RBFOX1: variants seen among roughly 807,000 people sequenced by gnomAD.
RBFOX1 encodes the protein RNA binding fox-1 homolog 1.
In RBFOX1, 8 loss-of-function variants were observed where a neutral mutation model predicts 57.7. The observed-to-expected ratio is 0.14, with a 90% CI of 0.08 to 0.25. The LOEUF (loss-of-function observed/expected upper bound fraction) is 0.25, where lower values mean the gene tolerates loss of function less well. RBFOX1 is among the 10% of genes least tolerant of loss of function. RBFOX1 has a pLI of 1.00. For synonymous variants in RBFOX1, 326 were observed against 222.4 expected (o/e 1.47, Z -4.15); for missense variants, 611 against 548.5 (o/e 1.11, Z -1.14).
chr16:6,482,699 G>A (rs895129756), intron 2 of RBFOX1, among the ~76,000 whole-genome samples: 1 of 152,190 alleles, frequency 6.6e-6, no homozygotes, highest in African/African-American at 2.4e-5. Context: ...AAGTGCAGCT[G>A]CTTCTCGGAG....
chr16:6,206,986 CT>C (rs35769347), intron 1 of RBFOX1, among the ~76,000 whole-genome samples: 7 of 145,948 alleles, frequency 4.8e-5, no homozygotes, highest in African/African-American at 1.8e-4. Context: ...CAGAAAGCTA[CT>C]TTTTTTTTTT....
intron 2 of RBFOX1, among the ~76,000 whole-genome samples, chr16:6,636,860 ATATATAT>A (rs994436222): frequency 8.7e-6 from 1 of 115,348 alleles, no homozygotes; most frequent in Non-Finnish European, 1.7e-5. Context: ...ATAATATATA[ATATATAT>A]TATATGTTTA....
intron 11 of RBFOX1, among the ~76,000 whole-genome samples, chr16:7,644,569 C>T (rs2063397614): frequency 6.6e-6 from 1 of 152,198 alleles, no homozygotes; most frequent in Non-Finnish European, 1.5e-5. Flanking sequence ...GATTGCCACC[C>T]ATTTTCTTTC....
intron 4 of RBFOX1, among the ~76,000 whole-genome samples, chr16:7,237,905 G>A (rs2152954134): frequency 6.6e-6 from 1 of 152,316 alleles, no homozygotes; most frequent in South Asian, 2.1e-4. Flanking sequence ...TCAGGAGGCT[G>A]AAGCATGAGA....
At chr16:5,859,567 C>T (rs1214705698) in intron 3 of RBFOX1, among the ~76,000 whole-genome samples, 3 of 152,128 alleles carry the variant, frequency 2.0e-5, no homozygotes, top group Admixed American at 2.0e-4. Flanking sequence ...AATCACTTGC[C>T]AGCAAAGGAA....
chr16:6,429,936 C>G (rs184881218), intron 2 of RBFOX1, among the ~76,000 whole-genome samples: 3 of 152,018 alleles, frequency 2.0e-5, no homozygotes, highest in African/African-American at 7.2e-5. Context: ...TAGTGAAACC[C>G]CCTCTCTACT....
At chr16:6,896,704 A>G (rs1161213929) in intron 3 of RBFOX1, among the ~76,000 whole-genome samples, 1 of 152,198 alleles carries the variant, frequency 6.6e-6, no homozygotes, top group East Asian at 1.9e-4. Flanking sequence ...TTGTGTTAGA[A>G]AAGTGCCCGG....
In RBFOX1 at chr16:7,210,112, A is replaced by G. The variant is rs571669293; in HGVS notation, c.27+158014A>G. Among the ~76,000 whole-genome samples the G allele has an allele frequency of 2.0e-5, 3 of 152,280 alleles. No homozygotes were observed. The East Asian group carries it at 5.8e-4, about 29-fold the overall frequency. ...TTTGCAGTGTGTGCATTGCTTGTCA[A>G]CCTGCCCTGCAATTGTGTGTATTCA... On this transcript the variant is annotated intron_variant, in intron 4 of 15. Coordinates refer to ENST00000550418, the MANE Select transcript of RBFOX1 (RefSeq NM_018723.4).
intron 4 of RBFOX1, among the ~76,000 whole-genome samples, chr16:5,933,635 T>C (rs1187028351): frequency 6.6e-6 from 1 of 152,206 alleles, no homozygotes; most frequent in Non-Finnish European, 1.5e-5. Context: ...GTTTTCATAA[T>C]GGATAGGGAG....
chr16:6,991,197 G>T (rs1221232523), intron 3 of RBFOX1, among the ~76,000 whole-genome samples: 1 of 139,286 alleles, frequency 7.2e-6, no homozygotes, highest in Non-Finnish European at 1.5e-5. Context: ...TCCAGTTACA[G>T]AATGAGGCAG....
chr16:5,405,573 G>C (rs67839461), intron 1 of RBFOX1, among the ~76,000 whole-genome samples: 57,763 of 152,012 alleles, frequency 0.38, 11,248 homozygotes, highest in Middle Eastern at 0.43. Context: ...GATTAATACT[G>C]TTGGACATTA....
intron 1 of RBFOX1, among the ~76,000 whole-genome samples, chr16:5,402,382 G>C (rs1312537872): frequency 1.3e-5 from 2 of 152,178 alleles, no homozygotes; most frequent in Admixed American, 6.5e-5. Flanking sequence ...TTGTGGATGG[G>C]TGGAGAAGAG....
intron 3 of RBFOX1, among the ~76,000 whole-genome samples, chr16:7,039,070 G>T (rs2045379819): frequency 6.6e-6 from 1 of 152,026 alleles, no homozygotes; most frequent in Admixed American, 6.5e-5. Context: ...CACTAAATGT[G>T]TTGTCCTGCC....
intron 3 of RBFOX1, among the ~76,000 whole-genome samples, chr16:6,835,289 G>A (rs2058721146): frequency 6.6e-6 from 1 of 152,118 alleles, no homozygotes; most frequent in South Asian, 2.1e-4. Context: ...TTCCCTTTCT[G>A]CATCTTTGTG....
At chr16:6,768,362 A>T (rs1476475859) in intron 3 of RBFOX1, among the ~76,000 whole-genome samples, 1 of 152,028 alleles carries the variant, frequency 6.6e-6, no homozygotes, top group Non-Finnish European at 1.5e-5. Context: ...CTTCTAGGGT[A>T]GATGGTGTAG....
intron 4 of RBFOX1, among the ~76,000 whole-genome samples, chr16:7,111,392 C>G (rs1339075146): frequency 6.6e-6 from 1 of 152,146 alleles, no homozygotes; most frequent in South Asian, 2.1e-4. Context: ...GTAAATAAAT[C>G]ATTTTTATTA....
At chr16:7,441,735 C>G (rs1278825292) in intron 4 of RBFOX1, among the ~76,000 whole-genome samples, 2 of 152,216 alleles carry the variant, frequency 1.3e-5, no homozygotes, top group East Asian at 3.9e-4. Flanking sequence ...CACCCACCAG[C>G]TGGAGCTCTG....
chr16:7,704,456 G>A (rs1436806342), intron 14 of RBFOX1, among the ~76,000 whole-genome samples: 1 of 152,184 alleles, frequency 6.6e-6, no homozygotes, highest in Non-Finnish European at 1.5e-5. Context: ...ATGTGTCTGG[G>A]AGCAGCTGAC....
intron 4 of RBFOX1, among the ~76,000 whole-genome samples, chr16:7,412,149 A>G (rs2098435338): frequency 1.3e-5 from 2 of 152,070 alleles, no homozygotes; most frequent in Non-Finnish European, 2.9e-5. Context: ...AATAGTGAAA[A>G]TTGGCTGGAC....
Sources: allele counts gnomAD v4.1 joint callset (sites outside exome capture counted in the v4.1 genomes callset), GRCh38; gene constraint gnomAD v4.1.1; transcripts MANE v1.5; gene names NCBI Gene and HGNC (gene_info 2026-07-23, HGNC 2026-07-21).